MMP26: variants seen among roughly 807,000 people sequenced by gnomAD.
MMP26 encodes matrix metalloproteinase-26.
A neutral mutation model predicts 31.0 loss-of-function variants in MMP26; 33 were observed. That is an observed-to-expected ratio of 1.06 (90% CI 0.81 to 1.42). The LOEUF (loss-of-function observed/expected upper bound fraction) is 1.42. MMP26 is among the 40% of genes most tolerant of loss of function. The pLI, the probability that MMP26 is intolerant of heterozygous loss-of-function variation, is 0.00. For synonymous variants in MMP26, 122 were observed against 114.9 expected (o/e 1.06, Z -0.40); for missense variants, 347 against 316.1 (o/e 1.10, Z -0.74).
chr11:4,734,791 G>A (rs1354417459), intron 1 of MMP26, among the ~76,000 whole-genome samples: 3 of 151,830 alleles, frequency 2.0e-5, no homozygotes, highest in Non-Finnish European at 4.4e-5. Context: ...GAATAGCATC[G>A]CATAGCATAT....
intron 2 of MMP26, among the ~76,000 whole-genome samples, chr11:4,941,733 A>G (rs1357876812): frequency 1.5e-5 from 1 of 67,148 alleles, no homozygotes; most frequent in Non-Finnish European, 3.2e-5. Context: ...GAGGTTATTC[A>G]TTTTTATAAA....
chr11:4,749,923 G>A (rs1181750844), intron 1 of MMP26, among the ~76,000 whole-genome samples: 1 of 152,056 alleles, frequency 6.6e-6, no homozygotes, highest in Admixed American at 6.6e-5. Flanking sequence ...AACAAAAATA[G>A]ATAAAGGGGA....
intron 2 of MMP26, among the ~76,000 whole-genome samples, chr11:4,828,575 T>G (rs1001933836): frequency 6.6e-6 from 1 of 152,008 alleles, no homozygotes; most frequent in Non-Finnish European, 1.5e-5. Flanking sequence ...CGGGGGGAGA[T>G]TTTTTATTAT....
rs1478916971 is a variant in MMP26 at position 4,870,902 on chromosome 11, T to C, written c.-145+103561T>C. 2.0e-5 allele frequency among the ~76,000 whole-genome samples: 3 copies of C among 152,168 alleles called. No individual in the cohort carries two copies. In the East Asian group the frequency reaches 5.8e-4, roughly 29 times the overall value. On this transcript the variant is annotated intron_variant, in intron 2 of 7. Coordinates refer to ENST00000380390, the MANE Select transcript of MMP26 (RefSeq NM_021801.5). Reference sequence around the variant, plus strand: ...AGTATGTAGATGATATTTAAAGCAGTGGTATTTGATGATATCGGTAAGTGA... The same window carrying C: ...AGTATGTAGATGATATTTAAAGCAGCGGTATTTGATGATATCGGTAAGTGA...
intron 1 of MMP26, among the ~76,000 whole-genome samples, chr11:4,726,299 A>G (rs1848098742): frequency 6.6e-6 from 1 of 152,086 alleles, no homozygotes; most frequent in Non-Finnish European, 1.5e-5. Flanking sequence ...CTCAGGCTCT[A>G]CTAAAAATAC....
intron 2 of MMP26, among the ~76,000 whole-genome samples, chr11:4,782,332 C>G (rs1848875868): frequency 6.6e-6 from 1 of 152,140 alleles, no homozygotes; most frequent in African/African-American, 2.4e-5. Context: ...AAAGGTGACT[C>G]TTGTTATGTT....
In MMP26 at chr11:4,848,762, A is replaced by G. The variant is rs7117389; in HGVS notation, c.-145+81421A>G. Reference sequence around the variant, plus strand: ...AAGAAATGGCCAGGCTGATTTTGCTAATTACACCATTGGTGAGGAGCGCTG... The same window carrying G: ...AAGAAATGGCCAGGCTGATTTTGCTGATTACACCATTGGTGAGGAGCGCTG... On this transcript the variant is annotated intron_variant, in intron 2 of 7. Coordinates refer to ENST00000380390, the MANE Select transcript of MMP26 (RefSeq NM_021801.5). 2,972 of 1,613,936 alleles carry G rather than the reference A, an allele frequency of 1.8e-3. 52 individuals carry two copies. In the African/African-American group the frequency reaches 0.034, roughly 19 times the overall value.
intron 2 of MMP26, chr11:4,945,561 G>A (rs1034349501): frequency 6.5e-6 from 1 of 154,738 alleles, no homozygotes; most frequent in African/African-American, 2.4e-5. Flanking sequence ...CAATTATAAG[G>A]CAGGGAACTT....
chr11:4,725,161 G>T (rs4471411), intron 1 of MMP26, among the ~76,000 whole-genome samples: 19,063 of 152,184 alleles, frequency 0.13, 1,610 homozygotes, highest in Middle Eastern at 0.2. Flanking sequence ...CCTGAGGCCT[G>T]CCCAGCACCA....
At chr11:4,791,255 CATA>C (rs963851337) in intron 2 of MMP26, among the ~76,000 whole-genome samples, 6 of 152,190 alleles carry the variant, frequency 3.9e-5, no homozygotes, top group Admixed American at 1.3e-4. Context: ...AGAAGTGGGA[CATA>C]ATATTCCAGG....
rs189108786 is a variant in MMP26, at chr11:4,732,054, G to A, written c.-217+27009G>A. 1.5e-3 allele frequency among the ~76,000 whole-genome samples: 224 copies of A among 152,266 alleles called. 2 individuals carry two copies. Among genetic ancestry groups the A allele is most frequent in the Non-Finnish European group, 4.4e-4 (30 of 68,018 alleles). ...GCAAATATCTCTTTGTGTCCTAAAGGATGGCACAAATAGGCCAGGGTGGGG... is the reference window on the plus strand; with the variant it reads ...GCAAATATCTCTTTGTGTCCTAAAGAATGGCACAAATAGGCCAGGGTGGGG... On this transcript the variant is annotated intron_variant, in intron 1 of 7. Coordinates refer to ENST00000380390, the MANE Select transcript of MMP26 (RefSeq NM_021801.5).
In MMP26 at chr11:4,803,536, A is replaced by G. The variant is rs767353601; in HGVS notation, c.-145+36195A>G. 48 of 1,613,950 alleles carry G rather than the reference A, an allele frequency of 3.0e-5. No individual in the cohort carries two copies. Among genetic ancestry groups the G allele is most frequent in the Non-Finnish European group, 3.6e-5 (43 of 1,179,982 alleles). ...GAGCATGGGAGGTATCAGTAGATAG[A>G]GATTAGCAAACAGGATGTGTACAAC... On this transcript the variant is annotated intron_variant, in intron 2 of 7. Transcript: ENST00000380390.
intron 2 of MMP26, among the ~76,000 whole-genome samples, chr11:4,903,528 T>A (rs932838127): frequency 6.6e-6 from 1 of 152,086 alleles, no homozygotes; most frequent in Non-Finnish European, 1.5e-5. Context: ...ACAAATCCCA[T>A]GTGTCAAGCT....
rs547427919 is a variant in MMP26, at chr11:4,949,621, C to A, written c.-144-38447C>A. Among the ~76,000 whole-genome samples the A allele has an allele frequency of 3.1e-4, 37 of 119,758 alleles. 8 individuals are homozygous for A. In the East Asian group the frequency reaches 7.3e-3, roughly 24 times the overall value. 78.6% of individuals were successfully genotyped at this position (119,758 alleles called of 152,430 possible). A position where few individuals can be genotyped will look rare whatever the true frequency, so the allele number is the denominator to read the frequency against. On this transcript the variant is annotated intron_variant, in intron 2 of 7. Transcript: ENST00000380390. ...TATTAGGAAATAAGAGTTGAAAAAT[C>A]AAAAAATGTAACTTCTATTTCAAGA...
At chr11:4,835,012 T>C (rs997195367) in intron 2 of MMP26, among the ~76,000 whole-genome samples, 1 of 152,074 alleles carries the variant, frequency 6.6e-6, no homozygotes, top group Non-Finnish European at 1.5e-5. Flanking sequence ...CATTCAAACA[T>C]TCAGTAGGCA....
chr11:4,795,149 G>A (rs530765870), intron 2 of MMP26: 7 of 152,348 alleles, frequency 4.6e-5, no homozygotes, highest in Non-Finnish European at 7.3e-5. Flanking sequence ...AGAAATATAT[G>A]TGTTCCTAGA....
At chr11:4,834,565 G>A (rs1274709247) in intron 2 of MMP26, among the ~76,000 whole-genome samples, 1 of 152,146 alleles carries the variant, frequency 6.6e-6, no homozygotes, top group Non-Finnish European at 1.5e-5. Context: ...AGAAGAAGGA[G>A]TAAATAAACC....
At chr11:4,742,282 A>G (rs11033660) in intron 1 of MMP26, among the ~76,000 whole-genome samples, 9,212 of 152,232 alleles carry the variant, frequency 0.061, 637 homozygotes, top group African/African-American at 0.17. Flanking sequence ...AGACAAGTAT[A>G]GTGGAATTAT....
In MMP26 at chr11:4,804,394, T is replaced by C. The variant is rs752642584; in HGVS notation, c.-145+37053T>C. 1.9e-6 allele frequency: 3 copies of C among 1,587,750 alleles called. No individual in the cohort carries two copies. In the East Asian group the frequency reaches 6.7e-5, roughly 35 times the overall value. On this transcript the variant is annotated intron_variant, in intron 2 of 7. Transcript: ENST00000380390. ...AGCCAGCACCATGGACTGGTTAATA[T>C]GGTCTCTGCTGGGAACGCAATCTAC...
Sources: gnomAD v4.1 joint callset for allele counts (sites outside exome capture counted in the v4.1 genomes callset) on GRCh38, gnomAD v4.1.1 for gene constraint, MANE v1.5 for transcripts, NCBI Gene and HGNC (gene_info 2026-07-23, HGNC 2026-07-21) for gene names.